Variants in FAT1 observed in about 807,000 individuals in gnomAD.
FAT1 encodes FAT atypical cadherin 1, also known as protocadherin Fat 1.
A neutral mutation model predicts 329.8 loss-of-function variants in FAT1; 171 were observed. The ratio of observed to expected loss-of-function variants is 0.52; its 90% confidence interval spans 0.46 to 0.59. FAT1 has a LOEUF of 0.59. FAT1 is among the 20% of genes least tolerant of loss of function. FAT1 has a pLI of 0.00. For missense variants in FAT1, 5,672 were observed against 5,774.4 expected (o/e 0.98, Z 0.57); for synonymous variants, 2,233 against 2,228.6 (o/e 1.00, Z -0.06).
intron 2 of FAT1, among the ~76,000 whole-genome samples, chr4:186,682,541 AAAAG>A (rs1396976536): frequency 6.6e-6 from 1 of 151,796 alleles, no homozygotes; most frequent in East Asian, 1.9e-4. Flanking sequence ...AAAAAAAAAA[AAAAG>A]AAAGTTGTAA....
At chr4:186,635,367 G>A (rs1740777492) in intron 6 of FAT1, among the ~76,000 whole-genome samples, 1 of 151,994 alleles carries the variant, frequency 6.6e-6, no homozygotes. Context: ...CGTTGAATAG[G>A]GTATTACATT....
At chr4:186,639,675 C>G (rs780851179) in intron 4 of FAT1, 47 bp downstream of exon 4, 1 of 1,271,262 alleles carries the variant, frequency 7.9e-7, no homozygotes, top group Admixed American at 1.9e-5. Context: ...TCCCATGATA[C>G]TTGTAACTAC....
intron 2 of FAT1, among the ~76,000 whole-genome samples, chr4:186,703,666 T>C (rs1192360862): frequency 3.9e-5 from 6 of 152,216 alleles, no homozygotes; most frequent in Admixed American, 6.5e-5. Context: ...AAGAAGACCC[T>C]GGTGGACATG....
At chr4:186,597,400 A>G in intron 24 of FAT1, 1 of 590,620 alleles carries the variant, frequency 1.7e-6, no homozygotes, top group Non-Finnish European at 2.9e-6. Flanking sequence ...GGAAGGAAAC[A>G]TATCAAGCCA....
intron 5 of FAT1, 99 bp downstream of exon 5, chr4:186,636,486 C>T (rs1740822954): frequency 7.7e-7 from 1 of 1,292,348 alleles, no homozygotes; most frequent in Non-Finnish European, 1.1e-6. Flanking sequence ...AACACTTCAG[C>T]CGTTTACAAA....
chr4:186,616,500 G>A (rs1381118573), intron 11 of FAT1, among the ~76,000 whole-genome samples: 6 of 151,904 alleles, frequency 3.9e-5, no homozygotes, highest in Non-Finnish European at 2.9e-5. Context: ...ACCCCTGCTC[G>A]AGCCACATGC....
Position 186,621,067 on chromosome 4 carries a change from G to GT in FAT1, c.5518dup (p.Thr1840AsnfsTer12). ...TTGGACGGTAAAGTGAAAAATACTT[G>GT]TTTCTTCATAGTCCAGACTTAGTAC... On this transcript the variant is annotated frameshift_variant, in exon 10 of 27. Coordinates refer to ENST00000441802, the MANE Select transcript of FAT1 (RefSeq NM_005245.4). LOFTEE classifies it high-confidence loss of function. 1 of 1,613,224 alleles carries GT rather than the reference G, an allele frequency of 6.2e-7. No homozygotes were observed. Among genetic ancestry groups the GT allele is most frequent in the Non-Finnish European group, 8.5e-7 (1 of 1,179,876 alleles).
Position 186,633,688 on chromosome 4 carries a change from G to C in FAT1, c.4319C>G (p.Thr1440Ser). The C allele has an allele frequency of 6.2e-7, 1 of 1,613,860 alleles. No homozygotes were observed. The highest frequency in any genetic ancestry group is 1.1e-5 in the South Asian group (1 of 91,078). ...EATDGTTTIL[T>S]QVFIKVIDTN... is the part of the protein sequence containing the mutation. ...TGTCATTAGTAATTCACTTACCTGA[G>C]TGAGGATAGTGGTGGTTCCATCTGT... The change falls in exon 7 of 27, where the codon ACT becomes AGT. Residue 1440 changes from threonine to serine, a missense_variant. Thr to Ser is a moderately conservative substitution (Grantham distance 58). Transcript: ENST00000441802.
At chr4:186,648,404 T>C (rs953626475) in intron 3 of FAT1, among the ~76,000 whole-genome samples, 3 of 152,202 alleles carry the variant, frequency 2.0e-5, no homozygotes, top group African/African-American at 2.4e-5. Flanking sequence ...CACTAATATA[T>C]GGCCACACAT....
rs1375556398 is a variant in FAT1 at position 186,707,924 on chromosome 4, C to T, written c.1904G>A (p.Gly635Asp). The T allele has an allele frequency of 6.2e-7, 1 of 1,613,992 alleles. No individual in the cohort carries two copies. Among genetic ancestry groups the T allele is most frequent in the Non-Finnish European group, 8.5e-7 (1 of 1,179,904 alleles). ...SLKRSLMDGL[G>D]AKVSFHSLRI... ...CAGACTGTGGAAAGACACCTTTGCA[C>T]CTAAGCCATCCATTAGCGATCGCTT... Residue 635 changes from glycine (G) to aspartate (D), a missense_variant, in exon 2 of 27, where the codon GGT (glycine) becomes GAT (aspartate). Transcript: ENST00000441802.
intron 26 of FAT1, among the ~76,000 whole-genome samples, chr4:186,592,372 CGAA>C (rs1168228169): frequency 2.6e-5 from 4 of 152,094 alleles, no homozygotes; most frequent in Non-Finnish European, 5.9e-5. Flanking sequence ...CCTGTACATA[CGAA>C]GAAGAATTTT....
At position 186,663,343 on chromosome 4, in the gene FAT1, G is replaced by C. The variant is rs771979834; in HGVS notation, c.3536C>G (p.Thr1179Arg). 20 of 1,613,828 alleles carry C rather than the reference G, an allele frequency of 1.2e-5. No homozygotes were observed. The highest frequency in any genetic ancestry group is 1.6e-5 in the Non-Finnish European group (19 of 1,179,872). Residue 1179 changes from threonine (T) to arginine (R), a missense_variant, in exon 3 of 27, where the codon ACA becomes AGA. This residue lies in a region of FAT1 where 3,966 missense variants were observed against 3,915.2 expected (regional missense o/e 1.01). Transcript: ENST00000441802. ...SSNDKLMYKI[T>R]SGNPQGFFSI... Reference sequence around the variant, plus strand: ...AAAGAATCCTTGTGGATTTCCACTTGTAATTTTGTACATGAGCTTGTCATT... The same window carrying C: ...AAAGAATCCTTGTGGATTTCCACTTCTAATTTTGTACATGAGCTTGTCATT...
intron 14 of FAT1, among the ~76,000 whole-genome samples, chr4:186,610,650 TATA>T (rs1355649258): frequency 2.2e-5 from 2 of 90,716 alleles, no homozygotes; most frequent in African/African-American, 6.7e-5. Flanking sequence ...ATATAATTTA[TATA>T]AATATAAATT....
intron 16 of FAT1, among the ~76,000 whole-genome samples, chr4:186,607,153 T>TC (rs1275428260): frequency 6.6e-6 from 1 of 152,094 alleles, no homozygotes; most frequent in East Asian, 1.9e-4. Context: ...CATCACTATC[T>TC]CCCCCCAAAT....
intron 2 of FAT1, among the ~76,000 whole-genome samples, chr4:186,695,530 A>T (rs1193143929): frequency 6.6e-6 from 1 of 152,178 alleles, no homozygotes; most frequent in South Asian, 2.1e-4. Flanking sequence ...TCTCAACAAT[A>T]GTTATTTAGA....
chr4:186,687,547 C>G (rs1743530504), intron 2 of FAT1, among the ~76,000 whole-genome samples: 1 of 152,038 alleles, frequency 6.6e-6, no homozygotes, highest in Non-Finnish European at 1.5e-5. Context: ...GATGAGTGTC[C>G]CAAATCAAAA....
chr4:186,668,533 T>C (rs1742572286), intron 2 of FAT1, among the ~76,000 whole-genome samples: 1 of 152,174 alleles, frequency 6.6e-6, no homozygotes, highest in South Asian at 2.1e-4. Context: ...ACTTCCTTAA[T>C]CAGGGGTTCA....
chr4:186,718,550 C>T (rs1270880914), intron 1 of FAT1, among the ~76,000 whole-genome samples: 1 of 152,068 alleles, frequency 6.6e-6, no homozygotes, highest in Non-Finnish European at 1.5e-5. Flanking sequence ...ACCTGTAGTC[C>T]CAGCTACTCA....
intron 12 of FAT1, 55 bp from the exon 13 acceptor site, chr4:186,613,397 T>C (rs1456848435): frequency 1.5e-6 from 2 of 1,296,424 alleles, no homozygotes; most frequent in African/African-American, 1.5e-5. Flanking sequence ...CTTGCAGTTG[T>C]ACATCTTATT....
Sources: allele counts gnomAD v4.1 joint callset (sites outside exome capture counted in the v4.1 genomes callset), GRCh38; gene constraint gnomAD v4.1.1; regional missense constraint gnomAD v4.1.1; transcripts MANE v1.5; gene names NCBI Gene and HGNC (gene_info 2026-07-23, HGNC 2026-07-21).